Variants in INVS observed in about 807,000 individuals in gnomAD.
INVS encodes the protein inversion of embryo turning homolog.
In INVS, 86 loss-of-function variants were observed where a neutral mutation model predicts 108.8. The observed-to-expected ratio is 0.79, with a 90% CI of 0.66 to 0.95. The LOEUF is 0.95. INVS is among the 40% of genes least tolerant of loss of function. The pLI, the probability that INVS is intolerant of heterozygous loss-of-function variation, is 0.00. For missense variants in INVS, 1,169 were observed against 1,297.4 expected (o/e 0.90, Z 1.52); for synonymous variants, 455 against 473.5 (o/e 0.96, Z 0.51).
chr9:100,277,855 CTTT>C (rs980960130), intron 12 of INVS, among the ~76,000 whole-genome samples: 1 of 152,142 alleles, frequency 6.6e-6, no homozygotes, highest in Non-Finnish European at 1.5e-5. Context: ...AGAGCTAAAT[CTTT>C]TTTGTCTCAT....
At chr9:100,175,359 G>A (rs192627563) in intron 3 of INVS, 1 of 765,838 alleles carries the variant, frequency 1.3e-6, no homozygotes, top group East Asian at 2.5e-5. Context: ...GAGTCCCAAA[G>A]GCAGACAACT....
At chr9:100,166,363 C>T (rs965423359) in intron 3 of INVS, among the ~76,000 whole-genome samples, 10 of 152,050 alleles carry the variant, frequency 6.6e-5, no homozygotes, top group African/African-American at 2.2e-4. Context: ...AACAACAAAA[C>T]AAAACAAAAA....
At chr9:100,220,936 A>G (rs1831128229) in intron 3 of INVS, among the ~76,000 whole-genome samples, 1 of 151,152 alleles carries the variant, frequency 6.6e-6, no homozygotes. Flanking sequence ...AGATTGTGCT[A>G]CTGCACTCTA....
intron 2 of INVS, among the ~76,000 whole-genome samples, chr9:100,107,324 A>C (rs563806594): frequency 1.3e-5 from 2 of 152,268 alleles, no homozygotes; most frequent in South Asian, 4.1e-4. Flanking sequence ...ACTTTAGTTA[A>C]TTTTGCCATT....
chr9:100,143,218 G>C (rs1299984209), intron 3 of INVS, among the ~76,000 whole-genome samples: 2 of 152,122 alleles, frequency 1.3e-5, no homozygotes, highest in African/African-American at 2.4e-5. Flanking sequence ...GGGAGGTATT[G>C]AGGATAGGAG....
chr9:100,272,804 A>T, intron 11 of INVS, 60 bp from the exon 12 acceptor site: 1 of 1,427,766 alleles, frequency 7.0e-7, no homozygotes, highest in South Asian at 1.2e-5. Flanking sequence ...TTTTCAGTTT[A>T]ACTGTGCCTT....
chr9:100,131,967 G>A (rs2118914809), intron 3 of INVS: 1 of 926,204 alleles, frequency 1.1e-6, no homozygotes, highest in East Asian at 1.2e-4. Flanking sequence ...AACACTATTA[G>A]GTTTTCTTAT....
At chr9:100,275,815 G>A (rs893691963) in intron 12 of INVS, among the ~76,000 whole-genome samples, 1 of 152,214 alleles carries the variant, frequency 6.6e-6, no homozygotes, top group South Asian at 2.1e-4. Flanking sequence ...GTTAGAAAAT[G>A]CTATTTAAGG....
intron 8 of INVS, among the ~76,000 whole-genome samples, chr9:100,249,119 C>G (rs1382458802): frequency 6.6e-6 from 1 of 151,940 alleles, no homozygotes; most frequent in African/African-American, 2.4e-5. Flanking sequence ...AAGGGGGGAA[C>G]CCTTTTCCCC....
chr9:100,165,962 T>C (rs1469574476), intron 3 of INVS, among the ~76,000 whole-genome samples: 1 of 152,204 alleles, frequency 6.6e-6, no homozygotes, highest in African/African-American at 2.4e-5. Flanking sequence ...GGTGATTGTT[T>C]CTAGGCTTTT....
At chr9:100,169,487 T>C (rs1014589447) in intron 3 of INVS, among the ~76,000 whole-genome samples, 3 of 152,198 alleles carry the variant, frequency 2.0e-5, no homozygotes, top group Non-Finnish European at 4.4e-5. Context: ...TAAATTCCAC[T>C]AAATTTCATA....
At chr9:100,131,780 A>C (rs748934567) in intron 3 of INVS, 13 of 327,718 alleles carry the variant, frequency 4.0e-5, no homozygotes, top group Non-Finnish European at 5.2e-5. Context: ...ACAAAAATTA[A>C]AGAACCTTCT....
chr9:100,158,036 CAA>C (rs1392521181), intron 3 of INVS, among the ~76,000 whole-genome samples: 1 of 152,172 alleles, frequency 6.6e-6, no homozygotes, highest in African/African-American at 2.4e-5. Flanking sequence ...ATTTGTCACT[CAA>C]TAAGGGCATA....
In INVS at chr9:100,264,757, CATAA is replaced by C. The variant is rs1001195012; in HGVS notation, c.1465-60_1465-57del. On this transcript the variant is annotated intron_variant, in intron 10 of 16. Coordinates refer to ENST00000262457, the MANE Select transcript of INVS (RefSeq NM_014425.5). ...ATTGCTTATATTAATTTTGAATTAG[CATAA>C]ATAACCACATATCCAAAAATACTTA... 4.7e-6 allele frequency: 5 copies of C among 1,071,790 alleles called. No homozygotes were observed. In the African/African-American group the frequency reaches 7.8e-5, roughly 17 times the overall value. The allele number at this position is 1,071,790 out of a possible 1,614,324, so 66.4% of individuals were successfully genotyped here.
At chr9:100,201,368 A>G (rs889114289) in intron 3 of INVS, among the ~76,000 whole-genome samples, 1 of 152,208 alleles carries the variant, frequency 6.6e-6, no homozygotes, top group Non-Finnish European at 1.5e-5. Flanking sequence ...ACCTGAAGGG[A>G]GGTACCATTT....
chr9:100,126,407 A>C lies in INVS; in HGVS notation c.131A>C (p.Glu44Ala), dbSNP rs1564123563. The C allele has an allele frequency of 6.2e-7, 1 of 1,614,064 alleles. No homozygotes were observed. Among genetic ancestry groups the C allele is most frequent in the Non-Finnish European group, 8.5e-7 (1 of 1,179,898 alleles). Residue 44 changes from glutamate to alanine, a missense_variant, in exon 3 of 17, where the codon GAA becomes GCA. Transcript: ENST00000262457. ...GGAAACTCTGCTCTTAAAGACAAAG[A>C]AGATCAGTTTGGGAGAACACCACTT... is the stretch of plus-strand genomic sequence containing the variant. ...IVGNSALKDKEDQFGRTPLMY... is the reference protein window; with the variant it reads ...IVGNSALKDKADQFGRTPLMY...
intron 3 of INVS, among the ~76,000 whole-genome samples, chr9:100,190,413 C>T (rs1830184179): frequency 6.6e-6 from 1 of 152,146 alleles, no homozygotes; most frequent in African/African-American, 2.4e-5. Flanking sequence ...TCATTGTTGA[C>T]TGTTAACCTA....
chr9:100,228,974 CT>C (rs1197365921), intron 4 of INVS, among the ~76,000 whole-genome samples: 1 of 152,174 alleles, frequency 6.6e-6, no homozygotes, highest in Non-Finnish European at 1.5e-5. Flanking sequence ...AAATTTAGTA[CT>C]TTTTCCGTCT....
At chr9:100,169,771 GATTAT>G (rs1192252438) in intron 3 of INVS, among the ~76,000 whole-genome samples, 1 of 152,108 alleles carries the variant, frequency 6.6e-6, no homozygotes, top group East Asian at 1.9e-4. Context: ...CTAACTTATG[GATTAT>G]ATACTTAGTC....
Sources: gnomAD v4.1 joint callset for allele counts (sites outside exome capture counted in the v4.1 genomes callset) on GRCh38, gnomAD v4.1.1 for gene constraint, MANE v1.5 for transcripts, NCBI Gene and HGNC (gene_info 2026-07-23, HGNC 2026-07-21) for gene names.